The following GRM4 variants were observed in gnomAD, a reference collection of about 807,000 sequenced individuals.
GRM4 encodes metabotropic glutamate receptor 4.
In GRM4, 28 loss-of-function variants were observed where a neutral mutation model predicts 81.7. The observed-to-expected ratio is 0.34, with a 90% confidence interval of 0.25 to 0.47. The LOEUF (loss-of-function observed/expected upper bound fraction) is 0.47. Among genes scored for constraint, GRM4 ranks in the 20% least tolerant of loss-of-function variants. The pLI, the probability that GRM4 is intolerant of heterozygous loss-of-function variation, is 1.00. For synonymous variants in GRM4, 488 were observed against 528.8 expected, an observed-to-expected ratio of 0.92 and a Z score of 1.06; for missense variants, 948 against 1,290.0, an observed-to-expected ratio of 0.73 and a Z score of 4.06.
rs1248696515 is a variant in GRM4, at chr6:34,133,264, C to T, written c.233G>A (p.Arg78Gln). ...GELKKEKGIH[R>Q]LEAMLFALDR... ...CAGGGCGAACAGCATGGCCTCCAGC[C>T]GGTGGATGCCCTTTTCCTTCTTAAG... Residue 78 changes from arginine to glutamine, a missense_variant, in exon 2 of 11, where the codon CGG (arginine) becomes CAG (glutamine). Physicochemically the swap from Arg to Gln is conservative, Grantham distance 43 (BLOSUM62 1). Coordinates refer to ENST00000538487, the MANE Select transcript of GRM4 (RefSeq NM_000841.4). This position sits in a 1 kb window ranked among gnomAD's most constrained non-coding sequence, Gnocchi z 6.5. 2.5e-6 allele frequency: 4 copies of T among 1,614,052 alleles called. No homozygotes were observed. Among genetic ancestry groups the T allele is most frequent in the Non-Finnish European group, 2.5e-6 (3 of 1,180,022 alleles).
chr6:34,135,883 G>T (rs1280344247), intron 1 of GRM4, among the ~76,000 whole-genome samples: 6 of 152,194 alleles, frequency 3.9e-5, no homozygotes, highest in Non-Finnish European at 8.8e-5. Flanking sequence ...TGTAAAATGG[G>T]TGAGTTGGAG....
intron 2 of GRM4, among the ~76,000 whole-genome samples, chr6:34,128,529 C>T (rs1770114576): frequency 1.3e-5 from 2 of 151,980 alleles, no homozygotes; most frequent in Admixed American, 6.6e-5. Flanking sequence ...AGGTAACTGC[C>T]ACCACGCCCA....
intron 3 of GRM4, among the ~76,000 whole-genome samples, chr6:34,072,675 CA>C: frequency 9.7e-4 from 1 of 1,030 alleles, no homozygotes; most frequent in Admixed American, 0.011. Context: ...ACACACCACA[CA>C]CACACACATC....
chr6:34,035,904 C>T lies in GRM4; in HGVS notation c.2206G>A (p.Asp736Asn), dbSNP rs1479973621. The T allele has an allele frequency of 6.2e-7, 1 of 1,608,066 alleles. No homozygotes were observed. The highest frequency in any genetic ancestry group is 8.5e-7 in the Non-Finnish European group (1 of 1,175,238). The change falls in exon 9 of 11, where the codon GAC (aspartate) becomes AAC (asparagine). Residue 736 changes from aspartate to asparagine, a missense_variant. Asp to Asn is a conservative substitution (Grantham distance 23). Coordinates refer to ENST00000538487, the MANE Select transcript of GRM4 (RefSeq NM_000841.4). This position sits in a 1 kb window ranked among gnomAD's most constrained non-coding sequence, Gnocchi z 6.6. Reference sequence around the variant, plus strand: ...AGCACACCCCTGGCGAAGCGGGGGTCGAGTGTCCGCTGGTCCTGGAAGTCC... The same window carrying T: ...AGCACACCCCTGGCGAAGCGGGGGTTGAGTGTCCGCTGGTCCTGGAAGTCC... ...VVDFQDQRTL[D>N]PRFARGVLKC...
At position 34,020,849 on chromosome 6, in the gene GRM4, G is replaced by C. The variant is rs1763846294; in HGVS notation, c.*1972C>G. 1 of 152,328 alleles carries C rather than the reference G, an allele frequency of 6.6e-6. No homozygotes were observed. The highest frequency in any genetic ancestry group is 2.4e-5 in the African/African-American group (1 of 41,440). 9.4% of individuals were successfully genotyped at this position (152,328 alleles called of 1,614,324 possible). A position where few individuals can be genotyped will look rare whatever the true frequency, so the allele number is the denominator to read the frequency against. ...ATACCTGGCATGATTCAATGTCCCA[G>C]CCTCAGTTATACACACACTCTCATA... On this transcript the variant is annotated 3_prime_UTR_variant, in exon 11 of 11. Transcript: ENST00000538487.
At chr6:34,146,945 T>C (rs1401109819), upstream of GRM4, among the ~76,000 whole-genome samples, 2 of 152,254 alleles carry the variant, frequency 1.3e-5, no homozygotes. Flanking sequence ...CCTGAAGACC[T>C]GCTTAGGCTC....
In GRM4 at chr6:34,034,418, A is replaced by T. The variant is rs1764588780; in HGVS notation, c.2442+1250T>A. Among the ~76,000 whole-genome samples, 1 of 152,070 alleles carries T rather than the reference A, an allele frequency of 6.6e-6. No individual in the cohort carries two copies. Among genetic ancestry groups the T allele is most frequent in the African/African-American group, 2.4e-5 (1 of 41,390 alleles). ...ACTCCCCACTGCATCTGCTGGGGAC[A>T]CCCTCTCCTGCAGAGCATGACAGTG... is the stretch of plus-strand genomic sequence containing the variant. On this transcript the variant is annotated intron_variant, in intron 9 of 10. Transcript: ENST00000538487. The surrounding 1 kb of genome is among the most constrained non-coding windows in gnomAD (Gnocchi z 4.0).
chr6:34,131,793 T>C (rs1380737111), intron 2 of GRM4, among the ~76,000 whole-genome samples: 1 of 152,012 alleles, frequency 6.6e-6, no homozygotes, highest in Non-Finnish European at 1.5e-5. Flanking sequence ...CAAAACAGCC[T>C]CTCTCAGTCT....
At position 34,130,353 on chromosome 6, in the gene GRM4, C is replaced by T. The variant is rs947488027; in HGVS notation, c.519+2625G>A. Among the ~76,000 whole-genome samples, 6 of 152,160 alleles carry T rather than the reference C, an allele frequency of 3.9e-5. No individual in the cohort carries two copies. The highest frequency in any genetic ancestry group is 9.7e-5 in the African/African-American group (4 of 41,408). Reference sequence around the variant, plus strand: ...CTCCACTCCCCAGGTCTCTACCTCCCGGTCCTGCCTTGCTCTCTGTGCAGC... The same window carrying T: ...CTCCACTCCCCAGGTCTCTACCTCCTGGTCCTGCCTTGCTCTCTGTGCAGC... On this transcript the variant is annotated intron_variant, in intron 2 of 10. Transcript: ENST00000538487. The surrounding 1 kb of genome is among the most constrained non-coding windows in gnomAD (Gnocchi z 4.1).
intron 2 of GRM4, chr6:34,103,922 A>G: frequency 8.1e-7 from 1 of 1,241,148 alleles, no homozygotes; most frequent in South Asian, 1.9e-5. Flanking sequence ...CCAGATGTTC[A>G]GAGCCAGCCA....
chr6:34,039,651 T>C (rs1764898301), intron 8 of GRM4, among the ~76,000 whole-genome samples: 1 of 152,038 alleles, frequency 6.6e-6, no homozygotes, highest in South Asian at 2.1e-4. Flanking sequence ...CCCAGAAAAA[T>C]GGCTGCCTTC....
chr6:34,115,580 C>T lies in GRM4; in HGVS notation c.519+17398G>A, dbSNP rs9380408. ...GGTCTGCCCGAAGACACTCGGCAAA[C>T]CTTTCAGGCCTCTAAAAGACCATTT... On this transcript the variant is annotated intron_variant, in intron 2 of 10. Transcript: ENST00000538487. The surrounding 1 kb of genome is among the most constrained non-coding windows in gnomAD (Gnocchi z 4.1). Among the ~76,000 whole-genome samples, 6 of 152,328 alleles carry T rather than the reference C, an allele frequency of 3.9e-5. No individual in the cohort carries two copies. The East Asian group carries it at 7.7e-4, about 20-fold the overall frequency.
At chr6:34,025,403 A>C (rs1264693468) in intron 10 of GRM4, among the ~76,000 whole-genome samples, 1 of 152,160 alleles carries the variant, frequency 6.6e-6, no homozygotes, top group African/African-American at 2.4e-5. Context: ...AACTCTCAGC[A>C]GCCACAACAA....
chr6:34,096,238 G>A (rs551563254), intron 2 of GRM4, among the ~76,000 whole-genome samples: 5 of 152,244 alleles, frequency 3.3e-5, no homozygotes, highest in Admixed American at 1.3e-4. Flanking sequence ...AAGCACAGGC[G>A]TCCTGCTCTA....
chr6:34,128,155 G>A (rs554633324), intron 2 of GRM4, among the ~76,000 whole-genome samples: 18 of 152,296 alleles, frequency 1.2e-4, no homozygotes, highest in Non-Finnish European at 1.3e-4. Flanking sequence ...CTCGTGGCAG[G>A]AAGACGCAAG....
intron 6 of GRM4, among the ~76,000 whole-genome samples, chr6:34,044,287 CAT>C (rs1206208452): frequency 6.6e-6 from 1 of 150,384 alleles, no homozygotes; most frequent in Non-Finnish European, 1.5e-5. Context: ...TACACACACA[CAT>C]AGACATACAT....
At chr6:34,151,230 G>A (rs899407354) in intron 1 of GRM4, among the ~76,000 whole-genome samples, 16 of 152,152 alleles carry the variant, frequency 1.1e-4, no homozygotes, top group African/African-American at 3.6e-4. Context: ...ACACTGTGCC[G>A]AGTTTACAGT....
At chr6:34,030,826 T>G (rs1742441538) in intron 9 of GRM4, among the ~76,000 whole-genome samples, 1 of 152,356 alleles carries the variant, frequency 6.6e-6, no homozygotes, top group Non-Finnish European at 1.5e-5. Flanking sequence ...GGAGCCTTTC[T>G]GCGAACAAAA....
At position 34,019,080 on chromosome 6, in the gene GRM4, G is replaced by A. The variant is rs955643280; in HGVS notation, c.*3741C>T. On this transcript the variant is annotated 3_prime_UTR_variant, in exon 11 of 11. Transcript: ENST00000538487. ...CTCCCCAGGACCCCTTGGAGGCCTG[G>A]AGGCTGAGGCAGTGTGGGGGCAGCT... 2.0e-5 allele frequency: 3 copies of A among 152,316 alleles called. No homozygotes were observed. Among genetic ancestry groups the A allele is most frequent in the Admixed American group, 1.3e-4 (2 of 15,286 alleles). The allele number at this position is 152,316 out of a possible 1,614,324, so 9.4% of individuals were successfully genotyped here.
Sources: allele counts gnomAD v4.1 joint callset (sites outside exome capture counted in the v4.1 genomes callset), GRCh38; gene constraint gnomAD v4.1.1; non-coding constraint Gnocchi (gnomAD v3.1); transcripts MANE v1.5; gene names NCBI Gene and HGNC (gene_info 2026-07-23, HGNC 2026-07-21).